Variants in OVCH1 observed in about 807,000 individuals in gnomAD.
OVCH1 encodes ovochymase 1, also known as ovochymase-1.
Under a neutral mutation model 138.4 loss-of-function variants are expected in OVCH1, and 139 were observed. That is an observed-to-expected ratio of 1.00 (90% CI 0.87 to 1.16). OVCH1 has a LOEUF of 1.16. Ranked by LOEUF, OVCH1 falls within the 50% of genes most tolerant of loss-of-function variation. The probability of loss-of-function intolerance (pLI) is 0.00; values close to 1 mark genes in which losing one functional copy is unlikely to be tolerated. For missense variants in OVCH1, 1,367 were observed against 1,357.9 expected, an observed-to-expected ratio of 1.01 and a Z score of -0.11; for synonymous variants, 453 against 467.8, an observed-to-expected ratio of 0.97 and a Z score of 0.41.
chr12:29,476,018 A>G (rs1307248872), intron 13 of OVCH1, among the ~76,000 whole-genome samples, 188 bp downstream of exon 13: 1 of 152,184 alleles, frequency 6.6e-6, no homozygotes, highest in African/African-American at 2.4e-5. Context: ...CATTTCCATT[A>G]AAAACTTTAC....
the OVCH1 span, among the ~76,000 whole-genome samples, chr12:29,404,382 C>T: frequency 0.31 from 47,037 of 152,000 alleles, 8,595 homozygotes; most frequent in Middle Eastern, 0.52. Flanking sequence ...GATTCCTGGC[C>T]GACATTAACC....
At chr12:29,428,135 CA>C (rs1429106798) in intron 27 of OVCH1, among the ~76,000 whole-genome samples, 1 of 150,712 alleles carries the variant, frequency 6.6e-6, no homozygotes, top group African/African-American at 2.4e-5. Context: ...TAAGGTAAGA[CA>C]AAAAACGGCT....
At chr12:29,474,787 T>C (rs1323143889) in intron 14 of OVCH1, among the ~76,000 whole-genome samples, 2 of 152,212 alleles carry the variant, frequency 1.3e-5, no homozygotes, top group Admixed American at 1.3e-4. Flanking sequence ...TTAATCCTAA[T>C]TCTATTGTTT....
intron 3 of OVCH1, among the ~76,000 whole-genome samples, chr12:29,416,416 A>G (rs1941032030): frequency 6.6e-6 from 1 of 152,216 alleles, no homozygotes; most frequent in South Asian, 2.1e-4. Context: ...GTATTTGACA[A>G]AGGATTAGTG....
intron 8 of OVCH1, among the ~76,000 whole-genome samples, chr12:29,483,229 A>C (rs534314855): frequency 5.0e-4 from 74 of 149,230 alleles, no homozygotes; most frequent in African/African-American, 1.6e-3. Context: ...TCCCTGTCTA[A>C]ACATTGTACC....
chr12:29,435,493 A>T (rs367827563), intron 26 of OVCH1, among the ~76,000 whole-genome samples: 2 of 151,984 alleles, frequency 1.3e-5, no homozygotes, highest in South Asian at 4.2e-4. Flanking sequence ...CAGCCTCCCG[A>T]GCAGCTGGGA....
At chr12:29,495,179 T>A in intron 4 of OVCH1, 106 bp downstream of exon 4, 3 of 1,103,712 alleles carry the variant, frequency 2.7e-6, no homozygotes, top group Non-Finnish European at 2.6e-6. Context: ...GAAACAAAGC[T>A]TAGCTATTCT....
chr12:29,477,927 G>C (rs1592096971), intron 9 of OVCH1, among the ~76,000 whole-genome samples: 1 of 152,196 alleles, frequency 6.6e-6, no homozygotes, highest in Admixed American at 6.5e-5. Context: ...TTTAACAAAT[G>C]ATTGGTTGAA....
chr12:29,406,489 T>C, the OVCH1 span, among the ~76,000 whole-genome samples: 1 of 149,708 alleles, frequency 6.7e-6, no homozygotes, highest in Non-Finnish European at 1.5e-5. Flanking sequence ...CAGAGTGTGA[T>C]GTTCCCCTTC....
intron 27 of OVCH1, among the ~76,000 whole-genome samples, chr12:29,433,397 C>T (rs1941304226): frequency 6.6e-6 from 1 of 152,184 alleles, no homozygotes; most frequent in Non-Finnish European, 1.5e-5. Flanking sequence ...GCCTTTACTC[C>T]TCTTTCACCT....
chr12:29,474,102 CACAT>C (rs141164734), intron 14 of OVCH1, among the ~76,000 whole-genome samples: 3,307 of 150,112 alleles, frequency 0.022, 90 homozygotes, highest in African/African-American at 0.073. Context: ...CACACACACA[CACAT>C]ATATATATCT....
chr12:29,462,463 G>A (rs1237105586), intron 18 of OVCH1, among the ~76,000 whole-genome samples: 1 of 149,566 alleles, frequency 6.7e-6, no homozygotes, highest in Non-Finnish European at 1.5e-5. Flanking sequence ...TCATAATCCT[G>A]TTCTTCATCT....
chr12:29,495,481 A>G (rs768648914), intron 3 of OVCH1, 24 bp from the exon 4 acceptor site: 5 of 1,603,824 alleles, frequency 3.1e-6, no homozygotes, highest in South Asian at 2.2e-5. Flanking sequence ...AAAATGTTTC[A>G]TAAGTAGTTG....
chr12:29,434,191 C>T (rs1941318125), intron 26 of OVCH1, among the ~76,000 whole-genome samples: 1 of 152,098 alleles, frequency 6.6e-6, no homozygotes, highest in Admixed American at 6.5e-5. Flanking sequence ...ACAAATTATT[C>T]TTGATATTAG....
At chr12:29,482,610 TTTG>T (rs1436898918) in intron 8 of OVCH1, among the ~76,000 whole-genome samples, 1 of 152,208 alleles carries the variant, frequency 6.6e-6, no homozygotes, top group African/African-American at 2.4e-5. Context: ...TCAATAGAAA[TTTG>T]TTGATTATTT....
At chr12:29,445,352 G>T (rs759821156) in exon 23 of OVCH1, 6 of 1,610,848 alleles carry the variant, frequency 3.7e-6, no homozygotes, top group South Asian at 1.1e-5. Flanking sequence ...CCTCACCAGC[G>T]GTCCAGGACT....
rs144219037 is a variant in OVCH1 at position 29,437,020 on chromosome 12, T to A, written c.3264+2308A>T. 1.2e-4 allele frequency among the ~76,000 whole-genome samples: 19 copies of A among 152,274 alleles called. No homozygotes were observed. In the East Asian group the frequency reaches 3.5e-3, roughly 28 times the overall value. On this transcript the variant is annotated intron_variant, in intron 26 of 27. Transcript: ENST00000318184. ...GTCCATTTTACAGAGTGCTGACTGG[T>A]CCGTTTTTACAGAGTGCTGATTGGT... is the stretch of plus-strand genomic sequence containing the variant.
chr12:29,405,007 GCAA>G, the OVCH1 span, among the ~76,000 whole-genome samples: 12 of 110,370 alleles, frequency 1.1e-4, no homozygotes, highest in Non-Finnish European at 1.7e-4. Context: ...AGGAGATAGT[GCAA>G]CACTCCACCT....
Position 29,461,891 on chromosome 12 carries a change from GC to G in OVCH1, c.2242del (p.Ala748LeufsTer20), listed in dbSNP as rs747274591. ...TTTCTCTCCAGATGCTGCAAAGCCAGCACAGATCATCTTCTCTGTGATCCCT... is the reference window on the plus strand; with the variant it reads ...TTTCTCTCCAGATGCTGCAAAGCCAGACAGATCATCTTCTCTGTGATCCCT... On this transcript the variant is annotated frameshift_variant, in exon 19 of 28. Coordinates refer to ENST00000318184, the Ensembl canonical transcript of OVCH1. LOFTEE classifies it high-confidence loss of function. 6.2e-7 allele frequency: 1 copy of G among 1,613,862 alleles called. No homozygotes were observed. The highest frequency in any genetic ancestry group is 1.1e-5 in the South Asian group (1 of 91,084).
Sources: gnomAD v4.1 joint callset for allele counts (sites outside exome capture counted in the v4.1 genomes callset) on GRCh38, gnomAD v4.1.1 for gene constraint, MANE v1.5 for transcripts, NCBI Gene and HGNC (gene_info 2026-07-23, HGNC 2026-07-21) for gene names.